TG: variants seen among roughly 807,000 people sequenced by gnomAD.
TG encodes the protein thyroglobulin, also known as thyroid hormones.
TG carries 270 observed loss-of-function variants against 324.7 expected under a neutral mutation model. The observed-to-expected ratio is 0.83, with a 90% confidence interval of 0.75 to 0.92. TG has a LOEUF of 0.92. Ranked by LOEUF, TG falls within the 40% of genes least tolerant of loss-of-function variation. The pLI is 0.00. For missense variants in TG, 3,591 were observed against 3,456.4 expected, an observed-to-expected ratio of 1.04 and a Z score of -0.98; for synonymous variants, 1,401 against 1,327.0, an observed-to-expected ratio of 1.06 and a Z score of -1.21.
chr8:132,974,518 A>G (rs1306239653), intron 34 of TG, among the ~76,000 whole-genome samples: 1 of 152,330 alleles, frequency 6.6e-6, no homozygotes, highest in African/African-American at 2.4e-5. Flanking sequence ...CACGGCTGGT[A>G]GGAAACAGAG....
At chr8:133,126,149 A>G (rs1851500359) in intron 45 of TG, among the ~76,000 whole-genome samples, 1 of 152,218 alleles carries the variant, frequency 6.6e-6, no homozygotes, top group African/African-American at 2.4e-5. Context: ...TCACCTGGCC[A>G]TTCTTTTGGT....
chr8:133,133,728 T>C, intron 47 of TG, 68 bp downstream of exon 47: 1 of 1,532,270 alleles, frequency 6.5e-7, no homozygotes, highest in Non-Finnish European at 8.9e-7. Flanking sequence ...GCTCGCTGCA[T>C]GAGACCTGTG....
intron 37 of TG, among the ~76,000 whole-genome samples, chr8:133,015,904 G>C (rs550326959): frequency 2.8e-4 from 42 of 152,144 alleles, no homozygotes; most frequent in Non-Finnish European, 4.6e-4. Context: ...GACAGAGAAG[G>C]CTTCATTTGC....
intron 35 of TG, chr8:133,003,321 A>T (rs1388753131): frequency 6.6e-6 from 1 of 152,262 alleles, no homozygotes; most frequent in South Asian, 2.1e-4. Flanking sequence ...TTCTAGCATA[A>T]TTTTTTTCTA....
Position 132,887,343 on chromosome 8 carries a change from G to A in TG, c.1971G>A (p.Arg657=), listed in dbSNP as rs73347488. ...PGSRVRGGQP[R]CPTDCEKQRA... ...CAAGAGTCAGAGGTGGACAGCCAAG[G>A]TGCCCCACAGACTGTGAAAAGCAAA... Residue 657 remains arginine, a synonymous_variant, in exon 9 of 48, where the codon AGG becomes AGA. Coordinates refer to ENST00000220616, the MANE Select transcript of TG (RefSeq NM_003235.5). 2.5e-6 allele frequency: 4 copies of A among 1,612,856 alleles called. No homozygotes were observed. Among genetic ancestry groups the A allele is most frequent in the African/African-American group, 2.7e-5 (2 of 75,028 alleles).
rs540884622 is a variant in TG at position 132,926,250 on chromosome 8, C to T, written c.4699+2742C>T. 5.9e-5 allele frequency among the ~76,000 whole-genome samples: 9 copies of T among 152,382 alleles called. 1 individual carries two copies. In the South Asian group the frequency reaches 1.7e-3, roughly 28 times the overall value. ...TGCTCCTTCCTCAGCCCTCTTGCCA[C>T]TTCCTTTGTTCAGGCTTCTGCTGTT... On this transcript the variant is annotated intron_variant, in intron 22 of 47. Transcript: ENST00000220616.
chr8:132,913,286 G>C, intron 20 of TG, 21 bp downstream of exon 20: 1 of 1,611,694 alleles, frequency 6.2e-7, no homozygotes, highest in Non-Finnish European at 8.5e-7. Flanking sequence ...TCTCTCCCTG[G>C]ATATCTCCTG....
chr8:132,869,961 A>G (rs943310533), intron 3 of TG, 135 bp downstream of exon 3: 1 of 715,450 alleles, frequency 1.4e-6, no homozygotes, highest in Non-Finnish European at 2.4e-6. Flanking sequence ...GTGAATAAGA[A>G]TCATCCCTGC....
At chr8:132,879,512 T>G (rs1267330341) in intron 5 of TG, among the ~76,000 whole-genome samples, 3 of 152,248 alleles carry the variant, frequency 2.0e-5, no homozygotes, top group Admixed American at 6.5e-5. Context: ...ACATATCACT[T>G]GTGATTATTT....
intron 41 of TG, among the ~76,000 whole-genome samples, chr8:133,084,995 T>C (rs1459487701): frequency 2.6e-5 from 4 of 152,234 alleles, no homozygotes; most frequent in East Asian, 1.9e-4. Context: ...TGAGCCTCAC[T>C]CTTTAATAAA....
intron 42 of TG, 111 bp from the exon 43 acceptor site, chr8:133,096,093 TAG>T: frequency 7.4e-7 from 1 of 1,344,552 alleles, no homozygotes; most frequent in Non-Finnish European, 1.1e-6. Context: ...TTTTTCTCAG[TAG>T]AGTCATAGAT....
chr8:132,888,118 C>T lies in TG; in HGVS notation c.2311C>T (p.Gln771Ter), dbSNP rs778743706. ...GTGCAGCACCGATGGGCAGTGGAGA[C>T]AAGTGCAATGCAATGGGCCTCCTGA... Reference protein sequence around the residue: ...PQCSTDGQWRQVQCNGPPEQV... With the variant: ...PQCSTDGQWR The change falls in exon 10 of 48, where the codon CAA becomes TAA. Residue 771 changes from glutamine to a stop codon, truncating the protein, a stop_gained. Transcript: ENST00000220616. LOFTEE classifies it high-confidence loss of function. 1.1e-4 allele frequency: 172 copies of T among 1,613,992 alleles called. No individual in the cohort carries two copies. The highest frequency in any genetic ancestry group is 1.4e-4 in the Non-Finnish European group (164 of 1,180,022).
chr8:133,021,456 G>A (rs1293792661), intron 39 of TG, among the ~76,000 whole-genome samples: 4 of 152,244 alleles, frequency 2.6e-5, no homozygotes, highest in Non-Finnish European at 5.9e-5. Flanking sequence ...CAATGTGGGA[G>A]AAGTGTCCTC....
At chr8:133,074,590 T>G (rs1049504952) in intron 41 of TG, among the ~76,000 whole-genome samples, 14 of 152,196 alleles carry the variant, frequency 9.2e-5, no homozygotes, top group Admixed American at 4.6e-4. Flanking sequence ...AGTACAAGCC[T>G]TTTTGGCGAG....
At chr8:132,908,146 A>T in intron 17 of TG, 40 bp from the exon 18 acceptor site, 1 of 1,611,436 alleles carries the variant, frequency 6.2e-7, no homozygotes, top group South Asian at 1.1e-5. Flanking sequence ...ATAACTCTAC[A>T]GGCCCATTGC....
At chr8:133,028,760 T>C (rs1414254157) in intron 40 of TG, among the ~76,000 whole-genome samples, 6 of 152,228 alleles carry the variant, frequency 3.9e-5, no homozygotes, top group Non-Finnish European at 8.8e-5. Flanking sequence ...TGGTATTCTC[T>C]TCAACTTTGT....
At chr8:133,059,996 C>T in intron 41 of TG, 1 of 1,138,456 alleles carries the variant, frequency 8.8e-7, no homozygotes, top group Non-Finnish European at 1.2e-6. Flanking sequence ...CCTTCGGTAC[C>T]CATTGCCCCA....
At chr8:133,032,957 A>T (rs1359501981) in intron 41 of TG, among the ~76,000 whole-genome samples, 3 of 152,222 alleles carry the variant, frequency 2.0e-5, no homozygotes, top group Non-Finnish European at 4.4e-5. Flanking sequence ...CTACCAAAGA[A>T]CACACAGCAA....
chr8:132,923,952 A>C (rs958612228), intron 22 of TG, among the ~76,000 whole-genome samples: 5 of 152,210 alleles, frequency 3.3e-5, no homozygotes, highest in Admixed American at 6.5e-5. Context: ...ATTTTTCCAC[A>C]GACCAGAGGT....
Sources: allele counts gnomAD v4.1 joint callset (sites outside exome capture counted in the v4.1 genomes callset), GRCh38; gene constraint gnomAD v4.1.1; transcripts MANE v1.5; gene names NCBI Gene and HGNC (gene_info 2026-07-23, HGNC 2026-07-21).